PDE2A: variants seen among roughly 807,000 people sequenced by gnomAD.
PDE2A encodes cGMP-dependent 3',5'-cyclic phosphodiesterase.
Under a neutral mutation model 133.6 loss-of-function variants are expected in PDE2A, and 53 were observed. The observed-to-expected ratio is 0.40, with a 90% confidence interval of 0.32 to 0.50. The LOEUF is 0.50. Among genes scored for constraint, PDE2A ranks in the 20% least tolerant of loss-of-function variants. The pLI, the probability that PDE2A is intolerant of heterozygous loss-of-function variation, is 0.73. For synonymous variants in PDE2A, 491 were observed against 490.2 expected, an observed-to-expected ratio of 1.00 and a Z score of -0.02; for missense variants, 796 against 1,232.4, an observed-to-expected ratio of 0.65 and a Z score of 5.30.
chr11:72,635,749 TG>T (rs1858648774), intron 2 of PDE2A, among the ~76,000 whole-genome samples: 1 of 151,934 alleles, frequency 6.6e-6, no homozygotes, highest in Admixed American at 6.6e-5. Context: ...TACCCGAGAG[TG>T]GGGGCCAAGG....
chr11:72,603,653 A>G (rs183955909), intron 4 of PDE2A, among the ~76,000 whole-genome samples: 1 of 152,202 alleles, frequency 6.6e-6, no homozygotes, highest in Non-Finnish European at 1.5e-5. Flanking sequence ...TTAGAGGAGA[A>G]AGGGGGACAT....
At chr11:72,672,439 G>T (rs1855406391) in intron 1 of PDE2A, among the ~76,000 whole-genome samples, 1 of 152,168 alleles carries the variant, frequency 6.6e-6, no homozygotes, top group Admixed American at 6.5e-5. Context: ...ACCTGCTTCT[G>T]CCTCCCAAAG....
At chr11:72,593,396 A>G (rs948661710) in intron 6 of PDE2A, among the ~76,000 whole-genome samples, 12 of 152,134 alleles carry the variant, frequency 7.9e-5, no homozygotes, top group African/African-American at 2.9e-4. Context: ...CAACAGGAAC[A>G]CACACTTACA....
chr11:72,594,704 C>A (rs555771567), intron 6 of PDE2A, among the ~76,000 whole-genome samples: 2 of 152,244 alleles, frequency 1.3e-5, no homozygotes, highest in South Asian at 2.1e-4. Context: ...CTTCCCCCGG[C>A]CTCCTTCCTG....
intron 4 of PDE2A, among the ~76,000 whole-genome samples, chr11:72,601,574 C>T (rs1028714587): frequency 5.3e-5 from 8 of 152,068 alleles, no homozygotes; most frequent in African/African-American, 9.7e-5. Context: ...CAGCCTGGGC[C>T]GAGGTGGGCG....
At chr11:72,647,513 G>C (rs1280747999) in intron 1 of PDE2A, among the ~76,000 whole-genome samples, 1 of 152,228 alleles carries the variant, frequency 6.6e-6, no homozygotes, top group East Asian at 1.9e-4. Flanking sequence ...ATGGACAAGG[G>C]CTGGATCCTG....
chr11:72,638,034 C>T (rs890911406), intron 2 of PDE2A, among the ~76,000 whole-genome samples: 1 of 152,144 alleles, frequency 6.6e-6, no homozygotes, highest in South Asian at 2.1e-4. Flanking sequence ...GGCTGGGAAA[C>T]ATTTCCTGTC....
intron 22 of PDE2A, 70 bp downstream of exon 22, chr11:72,581,807 C>A: frequency 7.2e-7 from 1 of 1,395,806 alleles, no homozygotes; most frequent in South Asian, 1.2e-5. Context: ...TCCAGAATGC[C>A]GGGGGCAACG....
Position 72,642,244 on chromosome 11 carries a change from G to C in PDE2A, c.144+10C>G. ...CGTTCTCCTGGTGCCCAGCGCGGGG[G>C]CCCCCCTACCTGCAGGCTGTCGGCG... On this transcript the variant is annotated intron_variant, in intron 2 of 30. Transcript: ENST00000334456. 2.7e-6 allele frequency: 4 copies of C among 1,506,570 alleles called. No homozygotes were observed. The highest frequency in any genetic ancestry group is 5.2e-5 in the East Asian group (2 of 38,316). 93.3% of individuals were successfully genotyped at this position (1,506,570 alleles called of 1,614,324 possible).
intron 6 of PDE2A, 147 bp from the exon 7 acceptor site, chr11:72,591,503 G>C: frequency 3.1e-6 from 2 of 647,774 alleles, no homozygotes. Context: ...CCATCTTTCT[G>C]ACCACTCAGA....
chr11:72,658,415 G>A (rs994487006), intron 1 of PDE2A, among the ~76,000 whole-genome samples: 2 of 152,050 alleles, frequency 1.3e-5, no homozygotes, highest in African/African-American at 4.8e-5. Flanking sequence ...CCTCAGCCTG[G>A]AGGAGAAATG....
intron 2 of PDE2A, among the ~76,000 whole-genome samples, chr11:72,620,797 G>A (rs34648431): frequency 0.23 from 35,201 of 151,600 alleles, 4,197 homozygotes; most frequent in African/African-American, 0.27. Context: ...GACGGCAGGG[G>A]AGAGGAGGGG....
intron 21 of PDE2A, 131 bp from the exon 22 acceptor site, chr11:72,582,078 A>T (rs910478276): frequency 1.4e-6 from 1 of 732,404 alleles, no homozygotes; most frequent in African/African-American, 1.8e-5. Context: ...GAGAACCACA[A>T]AATAGTTGAA....
chr11:72,672,060 C>A (rs931198291), intron 1 of PDE2A, among the ~76,000 whole-genome samples: 1 of 152,184 alleles, frequency 6.6e-6, no homozygotes, highest in Non-Finnish European at 1.5e-5. Context: ...AGCTCCAGAA[C>A]TCACTGACCC....
At chr11:72,646,829 A>G (rs1314669720) in intron 1 of PDE2A, among the ~76,000 whole-genome samples, 1 of 152,180 alleles carries the variant, frequency 6.6e-6, no homozygotes. Flanking sequence ...CTGCCTGCCA[A>G]TATCATACTT....
rs116389229 is a variant in PDE2A at position 72,660,732 on chromosome 11, G to A, written c.71+13405C>T. Among the ~76,000 whole-genome samples the A allele has an allele frequency of 6.2e-3, 950 of 152,222 alleles. 8 individuals carry two copies. The highest frequency in any genetic ancestry group is 0.022 in the African/African-American group (908 of 41,518). On this transcript the variant is annotated intron_variant, in intron 1 of 30. Coordinates refer to ENST00000334456, the MANE Select transcript of PDE2A (RefSeq NM_002599.5). ...CCACTACCTCCCTTCACGATACTCA[G>A]TGGCACGGGTTAGGACGCCAGGCAT...
intron 3 of PDE2A, among the ~76,000 whole-genome samples, chr11:72,608,308 C>A (rs557085605): frequency 6.6e-6 from 1 of 152,236 alleles, no homozygotes; most frequent in African/African-American, 2.4e-5. Flanking sequence ...CTACCCTCAA[C>A]TTCTCCTGCT....
intron 1 of PDE2A, chr11:72,643,127 G>C (rs766252125): frequency 2.0e-4 from 31 of 152,342 alleles, no homozygotes; most frequent in Non-Finnish European, 4.1e-4. Flanking sequence ...TGGGACCCGC[G>C]CTCCGGGAGC....
At chr11:72,584,967 C>G (rs759656296) in intron 16 of PDE2A, 23 bp from the exon 17 acceptor site, 10 of 1,611,798 alleles carry the variant, frequency 6.2e-6, no homozygotes, top group Admixed American at 5.0e-5. Context: ...GGGTTTGGTC[C>G]TCTGGGGCCT....
Sources: allele counts gnomAD v4.1 joint callset (sites outside exome capture counted in the v4.1 genomes callset), GRCh38; gene constraint gnomAD v4.1.1; transcripts MANE v1.5; gene names NCBI Gene and HGNC (gene_info 2026-07-23, HGNC 2026-07-21).